The following EPN1 variants were observed in gnomAD, a reference collection of about 807,000 sequenced individuals.
EPN1 encodes epsin 1.
A neutral mutation model predicts 56.9 loss-of-function variants in EPN1; 25 were observed. The observed-to-expected ratio is 0.44, with a 90% confidence interval of 0.32 to 0.61. The LOEUF (loss-of-function observed/expected upper bound fraction) is 0.61. Ranked by LOEUF, EPN1 falls within the 20% of genes least tolerant of loss-of-function variation. The pLI, the probability that EPN1 is intolerant of heterozygous loss-of-function variation, is 0.05. For missense variants in EPN1, 785 were observed against 823.7 expected (o/e 0.95, Z 0.58); for synonymous variants, 411 against 361.8 (o/e 1.14, Z -1.54).
chr19:55,677,818 G>GC, intron 1 of EPN1: 1 of 1,408,656 alleles, frequency 7.1e-7, no homozygotes. Context: ...GTGGATTCCT[G>GC]CCCCCTCTGC....
chr19:55,694,274 C>A lies in EPN1; in HGVS notation c.1265-452C>A. On this transcript the variant is annotated intron_variant, in intron 9 of 10. Coordinates refer to ENST00000270460, the MANE Select transcript of EPN1 (RefSeq NM_001130072.2). This position sits in a 1 kb window ranked among gnomAD's most constrained non-coding sequence, Gnocchi z 4.2. ...AATCAGACCTCTAGCCAACAGATGTCTTCACGCTGGCCCGGAACACGTGTC... is the reference window on the plus strand; with the variant it reads ...AATCAGACCTCTAGCCAACAGATGTATTCACGCTGGCCCGGAACACGTGTC... 6.3e-6 allele frequency: 1 copy of A among 157,622 alleles called. No individual in the cohort carries two copies. 9.8% of individuals were successfully genotyped at this position (157,622 alleles called of 1,614,324 possible).
In EPN1 at chr19:55,685,659, T is replaced by C. The variant is rs768576671; in HGVS notation, c.478+14T>C. 2 of 1,582,752 alleles carry C rather than the reference T, an allele frequency of 1.3e-6. No individual in the cohort carries two copies. Among genetic ancestry groups the C allele is most frequent in the South Asian group, 1.1e-5 (1 of 87,120 alleles). Reference sequence around the variant, plus strand: ...AGACCGCCACGGGTGAGTCCCTCCCTGCGGCCCCTGACGGCCTAGAGTCTG... The same window carrying C: ...AGACCGCCACGGGTGAGTCCCTCCCCGCGGCCCCTGACGGCCTAGAGTCTG... On this transcript the variant is annotated intron_variant, in intron 3 of 10. Coordinates refer to ENST00000270460, the MANE Select transcript of EPN1 (RefSeq NM_001130072.2).
rs1407480968 is a variant in EPN1, at chr19:55,705,616, T to G, written c.*10260T>G. 1 of 152,020 alleles carries G rather than the reference T, an allele frequency of 6.6e-6. No homozygotes were observed. The highest frequency in any genetic ancestry group is 1.5e-5 in the Non-Finnish European group (1 of 68,042). The allele number at this position is 152,020 out of a possible 1,614,324, so 9.4% of individuals were successfully genotyped here. On this transcript the variant is annotated 3_prime_UTR_variant, in exon 11 of 11. Coordinates refer to ENST00000270460, the MANE Select transcript of EPN1 (RefSeq NM_001130072.2). ...GTGAGCCGAGATCGCACCATTGCAC[T>G]CCAGCATGGACAACAGAGCAAGACC...
chr19:55,698,940 G>T lies in EPN1; in HGVS notation c.*3584G>T, dbSNP rs997783075. ...TTTTTTTGTATTTTTAGTACAGACGGGGTTTCACCATGTTAGGATGGTCTC... is the reference window on the plus strand; with the variant it reads ...TTTTTTTGTATTTTTAGTACAGACGTGGTTTCACCATGTTAGGATGGTCTC... On this transcript the variant is annotated 3_prime_UTR_variant, in exon 11 of 11. Transcript: ENST00000270460. 2.6e-5 allele frequency: 4 copies of T among 152,136 alleles called. No individual in the cohort carries two copies. Among genetic ancestry groups the T allele is most frequent in the Non-Finnish European group, 4.4e-5 (3 of 68,058 alleles). 9.4% of individuals were successfully genotyped at this position (152,136 alleles called of 1,614,324 possible).
intron 1 of EPN1, among the ~76,000 whole-genome samples, chr19:55,678,043 G>T (rs1036139293): frequency 1.3e-5 from 2 of 152,118 alleles, no homozygotes; most frequent in African/African-American, 4.8e-5. Flanking sequence ...AGGCCCCAGG[G>T]ATAGGTGACT....
chr19:55,688,747 G>A, intron 3 of EPN1, 123 bp from the exon 4 acceptor site: 2 of 1,401,370 alleles, frequency 1.4e-6, no homozygotes, highest in Non-Finnish European at 9.7e-7. Flanking sequence ...GCCTGCAGAG[G>A]TTGTAGGGTG....
In EPN1 at chr19:55,703,983, C is replaced by A. The variant is rs990180911; in HGVS notation, c.*8627C>A. On this transcript the variant is annotated 3_prime_UTR_variant, in exon 11 of 11. Transcript: ENST00000270460. ...CGCGCTTGTGCTCCTTCCTTCTGGGCCAGCGCGCAGACTATCAACCGAGGT... is the reference window on the plus strand; with the variant it reads ...CGCGCTTGTGCTCCTTCCTTCTGGGACAGCGCGCAGACTATCAACCGAGGT... 1.3e-5 allele frequency: 2 copies of A among 152,198 alleles called. No homozygotes were observed. Among genetic ancestry groups the A allele is most frequent in the Admixed American group, 6.5e-5 (1 of 15,282 alleles). 9.4% of individuals were successfully genotyped at this position (152,198 alleles called of 1,614,324 possible). A position where few individuals can be genotyped will look rare whatever the true frequency, so the allele number is the denominator to read the frequency against.
At chr19:55,678,203 A>G (rs188247338) in intron 1 of EPN1, among the ~76,000 whole-genome samples, 219 of 152,216 alleles carry the variant, frequency 1.4e-3, no homozygotes, top group Admixed American at 3.2e-3. Context: ...TCTCTAGATG[A>G]CCGCATGGAG....
In EPN1 at chr19:55,682,911, C is replaced by T. The variant is rs546509089; in HGVS notation, c.229-2485C>T. Among the ~76,000 whole-genome samples the T allele has an allele frequency of 2.7e-5, 4 of 150,620 alleles. No individual in the cohort carries two copies. The South Asian group carries it at 6.3e-4, about 24-fold the overall frequency. On this transcript the variant is annotated intron_variant, in intron 2 of 10. Transcript: ENST00000270460. ...AGCTGGGATTACAGGTACTTGCCAC[C>T]ACGCCTGGCTAATTTTTGTATTTTT... is the stretch of plus-strand genomic sequence containing the variant.
At chr19:55,688,746 G>A in intron 3 of EPN1, 124 bp from the exon 4 acceptor site, 1 of 1,390,734 alleles carries the variant, frequency 7.2e-7, no homozygotes, top group Non-Finnish European at 9.8e-7. Context: ...GGCCTGCAGA[G>A]GTTGTAGGGT....
intron 2 of EPN1, among the ~76,000 whole-genome samples, chr19:55,680,299 C>G (rs951336781): frequency 6.6e-6 from 1 of 152,212 alleles, no homozygotes; most frequent in African/African-American, 2.4e-5. Flanking sequence ...TTGTCACCCC[C>G]AAGACCTCCC....
intron 2 of EPN1, among the ~76,000 whole-genome samples, chr19:55,684,897 A>G (rs931520499): frequency 1.3e-5 from 2 of 152,180 alleles, no homozygotes; most frequent in Non-Finnish European, 2.9e-5. Flanking sequence ...ATTTGGATTG[A>G]GATGGAGCTC....
chr19:55,689,063 A>G lies in EPN1; in HGVS notation c.603+69A>G. ...CACGCCTCACTTCAGGCTCCCTCCC[A>G]GCCAGGCGTGGGCCTGGCCCTCACT... On this transcript the variant is annotated intron_variant, in intron 4 of 10. Transcript: ENST00000270460. This position sits in a 1 kb window ranked among gnomAD's most constrained non-coding sequence, Gnocchi z 5.7. The G allele has an allele frequency of 1.3e-6, 2 of 1,501,116 alleles. No individual in the cohort carries two copies. The highest frequency in any genetic ancestry group is 1.8e-6 in the Non-Finnish European group (2 of 1,126,742). 93.0% of individuals were successfully genotyped at this position (1,501,116 alleles called of 1,614,324 possible). A position where few individuals can be genotyped will look rare whatever the true frequency, so the allele number is the denominator to read the frequency against.
At chr19:55,692,315 A>G (rs1389962859) in intron 7 of EPN1, among the ~76,000 whole-genome samples, 1 of 151,804 alleles carries the variant, frequency 6.6e-6, no homozygotes, top group East Asian at 1.9e-4. Context: ...GGCTCTGGCC[A>G]AGGCAGAGCG....
At chr19:55,683,697 A>T (rs1233689637) in intron 2 of EPN1, among the ~76,000 whole-genome samples, 1 of 152,212 alleles carries the variant, frequency 6.6e-6, no homozygotes, top group African/African-American at 2.4e-5. Flanking sequence ...CCGCTGTGTG[A>T]GCGTGCCATA....
At chr19:55,683,201 G>T (rs151227896) in intron 2 of EPN1, among the ~76,000 whole-genome samples, 5 of 150,104 alleles carry the variant, frequency 3.3e-5, no homozygotes, top group Non-Finnish European at 7.4e-5. Context: ...GATTACAGGC[G>T]CATGCCACAA....
In EPN1 at chr19:55,691,510, G is replaced by A. The variant is rs555083465; in HGVS notation, c.763-244G>A. 6.6e-6 allele frequency among the ~76,000 whole-genome samples: 1 copy of A among 151,886 alleles called. No individual in the cohort carries two copies. Among genetic ancestry groups the A allele is most frequent in the Non-Finnish European group, 1.5e-5 (1 of 67,942 alleles). ...ATGGATGTGGGGCAGGAGTGGGGCTGTGTTGGGGCTCCCTGGTGGTACCCT... is the reference window on the plus strand; with the variant it reads ...ATGGATGTGGGGCAGGAGTGGGGCTATGTTGGGGCTCCCTGGTGGTACCCT... On this transcript the variant is annotated intron_variant, in intron 6 of 10. Transcript: ENST00000270460. This position sits in a 1 kb window ranked among gnomAD's most constrained non-coding sequence, Gnocchi z 5.6.
rs1010695158 is a variant in EPN1 at position 55,709,315 on chromosome 19, A to G, written c.*13959A>G. ...TTTAAGTTAAAAAGAAAAACACAGGATAACTTCCATTCATCTGATGTTCAT... is the reference window on the plus strand; with the variant it reads ...TTTAAGTTAAAAAGAAAAACACAGGGTAACTTCCATTCATCTGATGTTCAT... On this transcript the variant is annotated 3_prime_UTR_variant, in exon 11 of 11. Transcript: ENST00000270460. 3 of 215,336 alleles carry G rather than the reference A, an allele frequency of 1.4e-5. No individual in the cohort carries two copies. The highest frequency in any genetic ancestry group is 2.7e-5 in the Non-Finnish European group (3 of 109,644). 13.3% of individuals were successfully genotyped at this position (215,336 alleles called of 1,614,324 possible). A position where few individuals can be genotyped will look rare whatever the true frequency, so the allele number is the denominator to read the frequency against.
rs556878489 is a variant in EPN1, at chr19:55,704,297, C to G, written c.*8941C>G. 1 of 152,358 alleles carries G rather than the reference C, an allele frequency of 6.6e-6. No homozygotes were observed. The highest frequency in any genetic ancestry group is 1.5e-5 in the Non-Finnish European group (1 of 68,184). The allele number at this position is 152,358 out of a possible 1,614,324, so 9.4% of individuals were successfully genotyped here. A position where few individuals can be genotyped will look rare whatever the true frequency, so the allele number is the denominator to read the frequency against. On this transcript the variant is annotated 3_prime_UTR_variant, in exon 11 of 11. Transcript: ENST00000270460. ...CCTCCTGAAAGCTCTATGTTGAAAC[C>G]CTACCCCCCACCCTGCACCGACCCC...
Sources: gnomAD v4.1 joint callset for allele counts (sites outside exome capture counted in the v4.1 genomes callset) on GRCh38, gnomAD v4.1.1 for gene constraint, Gnocchi (gnomAD v3.1) non-coding constraint, MANE v1.5 for transcripts, NCBI Gene and HGNC (gene_info 2026-07-23, HGNC 2026-07-21) for gene names.